Variants in CAMK2D observed in about 807,000 individuals in gnomAD.
The protein encoded by CAMK2D is calcium/calmodulin dependent protein kinase II delta, also known as calcium/calmodulin-dependent protein kinase type II subunit delta.
In CAMK2D, 37 loss-of-function variants were observed where a neutral mutation model predicts 84.0. The ratio of observed to expected loss-of-function variants is 0.44; its 90% CI spans 0.34 to 0.58. The LOEUF (loss-of-function observed/expected upper bound fraction) is 0.58, where lower values mean the gene tolerates loss of function less well. Among genes scored for constraint, CAMK2D ranks in the 20% least tolerant of loss-of-function variants. CAMK2D has a pLI of 0.02. For synonymous variants in CAMK2D, 202 were observed against 212.5 expected (o/e 0.95, Z 0.43); for missense variants, 448 against 652.5 (o/e 0.69, Z 3.41).
At chr4:113,459,280 A>G (rs1463497413) in intron 18 of CAMK2D, among the ~76,000 whole-genome samples, 3 of 152,152 alleles carry the variant, frequency 2.0e-5, no homozygotes, top group African/African-American at 7.2e-5. Flanking sequence ...GTCCAGTGGC[A>G]TGATTATAGC....
chr4:113,652,654 T>G (rs1030707879), intron 3 of CAMK2D, among the ~76,000 whole-genome samples: 1 of 152,146 alleles, frequency 6.6e-6, no homozygotes. Flanking sequence ...TTCTTTCAAA[T>G]TTCAGTTTAG....
intron 16 of CAMK2D, among the ~76,000 whole-genome samples, chr4:113,494,747 C>A (rs539035265): frequency 3.3e-5 from 5 of 152,094 alleles, no homozygotes; most frequent in Non-Finnish European, 5.9e-5. Context: ...GCCTCGCTGC[C>A]GCCTTGCAGT....
intron 8 of CAMK2D, 21 bp from the exon 9 acceptor site, chr4:113,517,678 A>G: frequency 2.6e-6 from 3 of 1,135,516 alleles, no homozygotes; most frequent in Non-Finnish European, 4.0e-6. Flanking sequence ...ATATAATGTT[A>G]ACACAATTTA....
intron 4 of CAMK2D, among the ~76,000 whole-genome samples, chr4:113,608,096 C>T (rs1158332990): frequency 1.3e-5 from 2 of 152,134 alleles, no homozygotes; most frequent in East Asian, 3.8e-4. Context: ...TTGGATTACC[C>T]TTTTTCTGCC....
At chr4:113,708,632 C>T (rs760359029) in intron 2 of CAMK2D, among the ~76,000 whole-genome samples, 7 of 152,030 alleles carry the variant, frequency 4.6e-5, no homozygotes, top group Admixed American at 2.0e-4. Flanking sequence ...TTTTAAAAAG[C>T]TAAATATTCC....
chr4:113,545,856 G>T (rs2098563926), intron 6 of CAMK2D, among the ~76,000 whole-genome samples: 1 of 152,310 alleles, frequency 6.6e-6, no homozygotes, highest in South Asian at 2.1e-4. Flanking sequence ...GAAATCTGGT[G>T]GGGAATGCAG....
At chr4:113,745,609 T>G (rs914674968) in intron 2 of CAMK2D, among the ~76,000 whole-genome samples, 7 of 152,216 alleles carry the variant, frequency 4.6e-5, no homozygotes, top group Non-Finnish European at 1.0e-4. Context: ...TAACCTCGCT[T>G]TCTTTCCTCA....
At chr4:113,461,462 C>A (rs924667403) in intron 17 of CAMK2D, among the ~76,000 whole-genome samples, 1 of 152,072 alleles carries the variant, frequency 6.6e-6, no homozygotes, top group African/African-American at 2.4e-5. Context: ...GGGAGGACAG[C>A]AAGTGCAATG....
intron 2 of CAMK2D, among the ~76,000 whole-genome samples, chr4:113,670,821 G>A (rs932811285): frequency 5.1e-4 from 77 of 151,698 alleles, no homozygotes; most frequent in African/African-American, 1.8e-3. Flanking sequence ...CTGGCTACTC[G>A]GGAGGCTGAG....
At chr4:113,580,707 T>C (rs2098804061) in intron 4 of CAMK2D, among the ~76,000 whole-genome samples, 1 of 152,120 alleles carries the variant, frequency 6.6e-6, no homozygotes, top group South Asian at 2.1e-4. Context: ...TTATTATCTG[T>C]AAAATCATGA....
chr4:113,632,431 C>T (rs1246197781), intron 3 of CAMK2D, among the ~76,000 whole-genome samples: 1 of 152,052 alleles, frequency 6.6e-6, no homozygotes, highest in Non-Finnish European at 1.5e-5. Flanking sequence ...TTATGTTGGT[C>T]AGGCTGGTCT....
intron 13 of CAMK2D, among the ~76,000 whole-genome samples, chr4:113,506,100 G>GT (rs2098124342): frequency 6.6e-6 from 1 of 152,020 alleles, no homozygotes; most frequent in South Asian, 2.1e-4. Flanking sequence ...AGATAATGAT[G>GT]TAAAGAGAAA....
intron 2 of CAMK2D, among the ~76,000 whole-genome samples, chr4:113,705,230 G>A (rs1019756908): frequency 2.6e-5 from 4 of 151,100 alleles, no homozygotes; most frequent in Non-Finnish European, 5.9e-5. Flanking sequence ...TGGAGGCTGA[G>A]GCAGGAGAAT....
chr4:113,748,420 T>A (rs749939454), intron 2 of CAMK2D, among the ~76,000 whole-genome samples: 15 of 152,146 alleles, frequency 9.9e-5, no homozygotes, highest in Non-Finnish European at 2.1e-4. Context: ...AAGAATAATT[T>A]TGATGATATT....
rs2099640282 is a variant in CAMK2D, at chr4:113,761,021, A to G, written c.48T>C (p.Leu16=). 2 of 1,614,140 alleles carry G rather than the reference A, an allele frequency of 1.2e-6. No homozygotes were observed. Among genetic ancestry groups the G allele is most frequent in the Non-Finnish European group, 8.5e-7 (1 of 1,180,016 alleles). The change falls in exon 1 of 21, where the codon CTT becomes CTC. Residue 16 remains leucine, a synonymous_variant. Transcript: ENST00000511664. The stretch of plus-strand genomic sequence containing the variant: ...GTGCTTACTTTCCAAGCTCCTCGAA[A>G]AGCTGATACTCGTCCGTGAACCTGG... The part of the protein sequence containing the change: ...TCTRFTDEYQ[L]FEELGKGAFS...
chr4:113,733,852 C>T (rs991299081), intron 2 of CAMK2D, among the ~76,000 whole-genome samples: 2 of 152,128 alleles, frequency 1.3e-5, no homozygotes, highest in Admixed American at 6.5e-5. Flanking sequence ...GATTACTTGA[C>T]ATCTGACTTT....
intron 2 of CAMK2D, among the ~76,000 whole-genome samples, chr4:113,691,453 C>A (rs2099386867): frequency 6.6e-6 from 1 of 152,100 alleles, no homozygotes; most frequent in African/African-American, 2.4e-5. Flanking sequence ...ATATCTAAAT[C>A]TAAAAGGAGC....
At chr4:113,708,190 T>C (rs2099469195) in intron 2 of CAMK2D, among the ~76,000 whole-genome samples, 1 of 152,186 alleles carries the variant, frequency 6.6e-6, no homozygotes, top group Admixed American at 6.5e-5. Context: ...ATTTCTATAT[T>C]ATAGGCAAAT....
intron 7 of CAMK2D, among the ~76,000 whole-genome samples, chr4:113,534,794 A>C (rs2098478817): frequency 6.6e-6 from 1 of 152,216 alleles, no homozygotes; most frequent in African/African-American, 2.4e-5. Context: ...TCCTGTGAAG[A>C]AGTGTTTATT....
Sources: gnomAD v4.1 joint callset for allele counts (sites outside exome capture counted in the v4.1 genomes callset) on GRCh38, gnomAD v4.1.1 for gene constraint, MANE v1.5 for transcripts, NCBI Gene and HGNC (gene_info 2026-07-23, HGNC 2026-07-21) for gene names.